ZC3H8: variants seen among roughly 807,000 people sequenced by gnomAD.
The protein encoded by ZC3H8 is zinc finger CCCH domain-containing protein 8.
In ZC3H8, 27 loss-of-function variants were observed where a neutral mutation model predicts 42.5. The ratio of observed to expected loss-of-function variants is 0.64; its 90% confidence interval spans 0.47 to 0.88. ZC3H8 has a LOEUF of 0.88. Ranked by LOEUF, ZC3H8 falls within the 40% of genes least tolerant of loss-of-function variation. ZC3H8 has a pLI of 0.00. For synonymous variants in ZC3H8, 101 were observed against 110.1 expected (o/e 0.92, Z 0.52); for missense variants, 277 against 336.1 (o/e 0.82, Z 1.37).
chr2:112,217,100 G>A (rs1024383902), intron 8 of ZC3H8, among the ~76,000 whole-genome samples: 1 of 152,182 alleles, frequency 6.6e-6, no homozygotes, highest in Non-Finnish European at 1.5e-5. Flanking sequence ...CAGGCGCGGT[G>A]GCTCACACCT....
rs547079876 is a variant in ZC3H8, at chr2:112,238,462, C to T, written c.223G>A (p.Val75Ile). The T allele has an allele frequency of 5.0e-6, 8 of 1,613,186 alleles. No homozygotes were observed. The highest frequency in any genetic ancestry group is 2.2e-5 in the South Asian group (2 of 91,018). The change falls in exon 3 of 9, where the codon GTA becomes ATA. Residue 75 changes from valine to isoleucine, a missense_variant. Val to Ile is a conservative substitution (Grantham distance 29). Coordinates refer to ENST00000409573, the MANE Select transcript of ZC3H8 (RefSeq NM_032494.3). ...CTGCAGATATCATTATCACTATATA[C>T]ATCATAGTCCTTACTTCTTGATTTT... ...HRKSRSKDYD[V>I]YSDNDICSQE...
intron 8 of ZC3H8, among the ~76,000 whole-genome samples, chr2:112,221,553 A>T (rs2104643195): frequency 6.6e-6 from 1 of 152,242 alleles, no homozygotes; most frequent in Admixed American, 6.5e-5. Flanking sequence ...ACGAACTAAT[A>T]CAGTCTTCTT....
intron 2 of ZC3H8, among the ~76,000 whole-genome samples, chr2:112,248,951 T>C (rs914652353): frequency 6.6e-6 from 1 of 152,036 alleles, no homozygotes; most frequent in Non-Finnish European, 1.5e-5. Flanking sequence ...TCCCAGCACT[T>C]TGGGAGGCCG....
rs1684269015 is a variant in ZC3H8 at position 112,214,892 on chromosome 2, G to A, written c.*1592C>T. 1 of 152,028 alleles carries A rather than the reference G, an allele frequency of 6.6e-6. No individual in the cohort carries two copies. Among genetic ancestry groups the A allele is most frequent in the Non-Finnish European group, 1.5e-5 (1 of 68,022 alleles). 9.4% of individuals were successfully genotyped at this position (152,028 alleles called of 1,614,324 possible). The stretch of plus-strand genomic sequence containing the variant: ...CAAATTAAGATATTTCACTTACACA[G>A]GTATGCTTGTTTCTTAAAACAATTA... On this transcript the variant is annotated 3_prime_UTR_variant, in exon 9 of 9. Coordinates refer to ENST00000409573, the MANE Select transcript of ZC3H8 (RefSeq NM_032494.3).
chr2:112,227,474 G>C lies in ZC3H8; in HGVS notation c.*15+3429C>G, dbSNP rs572526550. ...CGCAAGGCCGCGGTTGCAGTGAACC[G>C]AGATCGCGCCATTTGCACTCCAGCC... On this transcript the variant is annotated intron_variant, in intron 8 of 8. Transcript: ENST00000409573. 2.6e-5 allele frequency among the ~76,000 whole-genome samples: 4 copies of C among 152,276 alleles called. 1 individual carries two copies. The South Asian group carries it at 6.2e-4, about 24-fold the overall frequency.
rs1442657723 is a variant in ZC3H8 at position 112,212,894 on chromosome 2, C to A, written c.*3590G>T. On this transcript the variant is annotated 3_prime_UTR_variant, in exon 9 of 9. Coordinates refer to ENST00000409573, the MANE Select transcript of ZC3H8 (RefSeq NM_032494.3). Reference sequence around the variant, plus strand: ...TTTGCTTATAATTGGCAGGAGGAGCCCCATGCTCTTTAGGCGCATTACCAA... The same window carrying A: ...TTTGCTTATAATTGGCAGGAGGAGCACCATGCTCTTTAGGCGCATTACCAA... The A allele has an allele frequency of 6.6e-6, 1 of 151,810 alleles. No individual in the cohort carries two copies. Among genetic ancestry groups the A allele is most frequent in the Non-Finnish European group, 1.5e-5 (1 of 68,002 alleles). The allele number at this position is 151,810 out of a possible 1,614,324, so 9.4% of individuals were successfully genotyped here. A position where few individuals can be genotyped will look rare whatever the true frequency, so the allele number is the denominator to read the frequency against.
chr2:112,231,775 T>C (rs1230703402), intron 7 of ZC3H8, 63 bp downstream of exon 7: 1 of 1,017,718 alleles, frequency 9.8e-7, no homozygotes, highest in Non-Finnish European at 1.4e-6. Flanking sequence ...CAAATTCTCA[T>C]CCTTAGTTCA....
At position 112,244,126 on chromosome 2, in the gene ZC3H8, T is replaced by A. The variant is rs145062317; in HGVS notation, c.157-5598A>T. 7.2e-4 allele frequency among the ~76,000 whole-genome samples: 109 copies of A among 152,020 alleles called. 1 individual carries two copies. The highest frequency in any genetic ancestry group is 2.6e-3 in the African/African-American group (106 of 41,384). ...GAATGAAAAAAGATTCACAATCGCA[T>A]AGAATTAAGAATGCCAAGAATGAAG... On this transcript the variant is annotated intron_variant, in intron 2 of 8. Coordinates refer to ENST00000409573, the MANE Select transcript of ZC3H8 (RefSeq NM_032494.3).
At chr2:112,232,430 A>G (rs1685137490) in intron 6 of ZC3H8, among the ~76,000 whole-genome samples, 1 of 152,286 alleles carries the variant, frequency 6.6e-6, no homozygotes, top group South Asian at 2.1e-4. Flanking sequence ...TAGAAGGACT[A>G]CATACGTAAA....
At chr2:112,254,059 T>C (rs1367176851) in intron 1 of ZC3H8, 22 of 942,818 alleles carry the variant, frequency 2.3e-5, no homozygotes, top group Non-Finnish European at 2.7e-5. Context: ...TCTTTAAGTT[T>C]GTTTTGAGGA....
chr2:112,241,111 G>A (rs989831347), intron 2 of ZC3H8, among the ~76,000 whole-genome samples: 12 of 151,878 alleles, frequency 7.9e-5, no homozygotes, highest in Non-Finnish European at 1.5e-4. Context: ...TCTAAAGGGT[G>A]GGCTTAGGTA....
chr2:112,252,671 G>C (rs1325326730), intron 1 of ZC3H8, among the ~76,000 whole-genome samples: 2 of 151,888 alleles, frequency 1.3e-5, no homozygotes, highest in Non-Finnish European at 2.9e-5. Flanking sequence ...CAGCTGTCCT[G>C]GCCACTTTGC....
At chr2:112,231,036 T>C (rs1028200726) in intron 7 of ZC3H8, 86 bp from the exon 8 acceptor site, 2 of 879,258 alleles carry the variant, frequency 2.3e-6, no homozygotes, top group African/African-American at 1.8e-5. Flanking sequence ...TTTCAAATGA[T>C]TCCAATCAAA....
In ZC3H8 at chr2:112,213,125, A is replaced by G. The variant is rs1369929365; in HGVS notation, c.*3359T>C. ...GCTGGGACTCCAGGTATGCACCTCC[A>G]TGCCTGGCTAATTTAAAAATTTTTT... On this transcript the variant is annotated 3_prime_UTR_variant, in exon 9 of 9. Coordinates refer to ENST00000409573, the MANE Select transcript of ZC3H8 (RefSeq NM_032494.3). The G allele has an allele frequency of 1.3e-5, 2 of 151,796 alleles. No homozygotes were observed. Among genetic ancestry groups the G allele is most frequent in the African/African-American group, 4.8e-5 (2 of 41,330 alleles). The allele number at this position is 151,796 out of a possible 1,614,324, so 9.4% of individuals were successfully genotyped here.
intron 2 of ZC3H8, among the ~76,000 whole-genome samples, chr2:112,244,495 T>A (rs1213498252): frequency 6.6e-6 from 1 of 152,230 alleles, no homozygotes; most frequent in Non-Finnish European, 1.5e-5. Context: ...AGATGTGAGA[T>A]ATCTACAAAG....
At chr2:112,246,330 C>A (rs1361723000) in intron 2 of ZC3H8, among the ~76,000 whole-genome samples, 1 of 152,120 alleles carries the variant, frequency 6.6e-6, no homozygotes, top group East Asian at 1.9e-4. Flanking sequence ...GAAATAAATA[C>A]AAAATACACT....
intron 4 of ZC3H8, among the ~76,000 whole-genome samples, chr2:112,236,120 C>T (rs1039303850): frequency 6.6e-6 from 1 of 151,712 alleles, no homozygotes; most frequent in Non-Finnish European, 1.5e-5. Flanking sequence ...AAAAATTAGC[C>T]GGGCATGGTG....
rs1180816644 is a variant in ZC3H8 at position 112,250,007 on chromosome 2, G to A, written c.156+184C>T. On this transcript the variant is annotated intron_variant, in intron 2 of 8. Transcript: ENST00000409573. ...TATTAAATAATAATTTATTTAAAAAGTATAACCAGTTTTCTTTGATATAAG... is the reference window on the plus strand; with the variant it reads ...TATTAAATAATAATTTATTTAAAAAATATAACCAGTTTTCTTTGATATAAG... 2.1e-5 allele frequency: 9 copies of A among 420,248 alleles called. No homozygotes were observed. In the East Asian group the frequency reaches 2.9e-4, roughly 14 times the overall value. The allele number at this position is 420,248 out of a possible 1,614,324, so 26.0% of individuals were successfully genotyped here.
intron 2 of ZC3H8, 167 bp from the exon 3 acceptor site, chr2:112,238,695 G>A: frequency 1.1e-5 from 5 of 459,630 alleles, no homozygotes; most frequent in East Asian, 7.1e-5. Flanking sequence ...AAAATTTCCA[G>A]AATTAAAAAA....
Sources: gnomAD v4.1 joint callset for allele counts (sites outside exome capture counted in the v4.1 genomes callset) on GRCh38, gnomAD v4.1.1 for gene constraint, MANE v1.5 for transcripts, NCBI Gene and HGNC (gene_info 2026-07-23, HGNC 2026-07-21) for gene names.